The following PLA2G2A variants were observed in gnomAD, a reference collection of about 807,000 sequenced individuals.
PLA2G2A encodes phospholipase A2 group IIA.
Under a neutral mutation model 11.2 loss-of-function variants are expected in PLA2G2A, and 6 were observed. The observed-to-expected ratio is 0.54, with a 90% CI of 0.29 to 1.06. The LOEUF is 1.06. PLA2G2A is among the 50% of genes least tolerant of loss of function. The pLI is 0.08. For synonymous variants in PLA2G2A, 69 were observed against 65.8 expected, an observed-to-expected ratio of 1.05 and a Z score of -0.23; for missense variants, 133 against 177.1, an observed-to-expected ratio of 0.75 and a Z score of 1.41.
chr1:19,976,010 C>G (rs11573174), intron 4 of PLA2G2A, among the ~76,000 whole-genome samples, 167 bp from the exon 5 acceptor site: 1 of 152,166 alleles, frequency 6.6e-6, no homozygotes, highest in African/African-American at 2.4e-5. Context: ...AGAATTCTTG[C>G]CCTTGGGATG....
At chr1:19,979,072 A>AC in intron 1 of PLA2G2A, 193 bp from the exon 2 acceptor site, 2 of 493,884 alleles carry the variant, frequency 4.0e-6, no homozygotes, top group South Asian at 4.2e-5. Flanking sequence ...CCTGTGGAGA[A>AC]CCCCATGATA....
chr1:19,978,168 G>C (rs764069579), intron 3 of PLA2G2A, 47 bp from the exon 4 acceptor site: 5 of 1,444,496 alleles, frequency 3.5e-6, no homozygotes, highest in Non-Finnish European at 2.9e-6. Flanking sequence ...AGCTCCAGGA[G>C]GCCTGGTGCC....
intron 2 of PLA2G2A, 54 bp downstream of exon 2, chr1:19,978,680 T>G: frequency 6.2e-7 from 1 of 1,601,212 alleles, no homozygotes; most frequent in Non-Finnish European, 8.6e-7. Flanking sequence ...GGGACAAGAG[T>G]GCTTCCCTTC....
At chr1:19,975,699 AC>A in exon 5 of PLA2G2A, 1 of 1,613,244 alleles carries the variant, frequency 6.2e-7, no homozygotes, top group Non-Finnish European at 8.5e-7. Context: ...GGAAGAGGGG[AC>A]TCAGCAACGA....
At chr1:19,978,797 T>C (rs113722293) in exon 2 of PLA2G2A, 12 of 1,613,588 alleles carry the variant, frequency 7.4e-6, no homozygotes, top group Middle Eastern at 1.7e-4. Context: ...GGGTGACAAA[T>C]GCAGATGGAC....
intron 2 of PLA2G2A, 85 bp downstream of exon 2, chr1:19,978,649 T>C: frequency 6.3e-7 from 1 of 1,595,352 alleles, no homozygotes; most frequent in Non-Finnish European, 8.6e-7. Flanking sequence ...AGAGGATCAC[T>C]GCAATGGGAG....
intron 4 of PLA2G2A, among the ~76,000 whole-genome samples, chr1:19,976,860 CCT>C (rs2046226806): frequency 6.6e-6 from 1 of 152,216 alleles, no homozygotes; most frequent in Admixed American, 6.5e-5. Flanking sequence ...AACAGCTTCC[CCT>C]GAGTCCCTCA....
In PLA2G2A at chr1:19,978,508, A is replaced by ATGGGCCTGCAG; in HGVS notation, c.46_56dup (p.Gly20CysfsTer8). ...TTCTGTGGAAATTCACCAAATTCCC[A>ATGGGCCTGCAG]TGGGCCTGCAGTAGGCCTGGAAGGA... On this transcript the variant is annotated frameshift_variant, in exon 3 of 5. Coordinates refer to ENST00000482011, the Ensembl canonical transcript of PLA2G2A. LOFTEE classifies it high-confidence loss of function. 6.2e-7 allele frequency: 1 copy of ATGGGCCTGCAG among 1,613,752 alleles called. No individual in the cohort carries two copies. Among genetic ancestry groups the ATGGGCCTGCAG allele is most frequent in the Admixed American group, 1.7e-5 (1 of 60,026 alleles).
chr1:19,975,512 G>T, downstream of PLA2G2A: 1 of 634,096 alleles, frequency 1.6e-6, no homozygotes, highest in Non-Finnish European at 2.8e-6. Context: ...TGAGGTGGAG[G>T]AGAGCAGTAG....
chr1:19,979,428 A>ACT (rs375886168), intron 1 of PLA2G2A, among the ~76,000 whole-genome samples, 152 bp downstream of exon 1: 1 of 152,222 alleles, frequency 6.6e-6, no homozygotes, highest in African/African-American at 2.4e-5. Flanking sequence ...CTCTTACACT[A>ACT]CACTCACATA....
At chr1:19,976,769 T>C (rs1163839588) in intron 4 of PLA2G2A, among the ~76,000 whole-genome samples, 1 of 152,070 alleles carries the variant, frequency 6.6e-6, no homozygotes, top group Non-Finnish European at 1.5e-5. Flanking sequence ...TCCAGAATGT[T>C]GTCTTTGCCT....
intron 4 of PLA2G2A, among the ~76,000 whole-genome samples, chr1:19,976,404 C>T (rs540092395): frequency 1.1e-4 from 16 of 152,296 alleles, no homozygotes; most frequent in Non-Finnish European, 1.6e-4. Flanking sequence ...ACACTGGCCA[C>T]GTGGCATAGC....
chr1:19,978,986 CA>C, intron 1 of PLA2G2A, 107 bp from the exon 2 acceptor site: 1 of 625,958 alleles, frequency 1.6e-6, no homozygotes. Context: ...CACACACACA[CA>C]CACACACACA....
chr1:19,978,223 T>C, intron 3 of PLA2G2A, 102 bp from the exon 4 acceptor site: 3 of 1,333,580 alleles, frequency 2.2e-6, no homozygotes, highest in South Asian at 1.2e-5. Flanking sequence ...CCAGTGACTT[T>C]GCAACAGTCT....
chr1:19,978,505 C>T lies in PLA2G2A; in HGVS notation c.60G>A (p.Gly20=), dbSNP rs778125360. The T allele has an allele frequency of 3.7e-6, 6 of 1,613,786 alleles. No homozygotes were observed. The South Asian group carries it at 4.4e-5, about 12-fold the overall frequency. The change falls in exon 3 of 5, where the codon GGG becomes GGA. Residue 20 remains glycine (G), a synonymous_variant. Transcript: ENST00000482011. ...TCATTCTGTGGAAATTCACCAAATT[C>T]CCATGGGCCTGCAGTAGGCCTGGAA... is the stretch of plus-strand genomic sequence containing the variant.
rs758526072 is a variant in PLA2G2A at position 19,978,076 on chromosome 1, AC to A, written c.230del (p.Arg77LeufsTer8). 11 of 1,614,108 alleles carry A rather than the reference AC, an allele frequency of 6.8e-6. No homozygotes were observed. ...AGCTCAGAAATTTGGTGCCACATCC[AC>A]GTTTCTCCAGACGTTTGTAGCAACA... On this transcript the variant is annotated frameshift_variant, in exon 4 of 5. Transcript: ENST00000482011. LOFTEE classifies it high-confidence loss of function.
At chr1:19,980,059 T>A (rs954580292), upstream of PLA2G2A, among the ~76,000 whole-genome samples, 3 of 152,286 alleles carry the variant, frequency 2.0e-5, no homozygotes, top group Admixed American at 2.0e-4. Flanking sequence ...GGGCTTTTAG[T>A]GGTACTCATT....
At chr1:19,977,964 A>G (rs915681711) in intron 4 of PLA2G2A, 51 bp downstream of exon 4, 3 of 1,059,904 alleles carry the variant, frequency 2.8e-6, no homozygotes, top group Non-Finnish European at 4.5e-6. Flanking sequence ...CACAGTCCCC[A>G]GCACTGTCTA....
exon 3 of PLA2G2A, chr1:19,978,385 C>T (rs548745305): frequency 1.4e-5 from 23 of 1,612,310 alleles, no homozygotes; most frequent in Non-Finnish European, 1.9e-5. Context: ...CTCACCGATC[C>T]GTTGCATCCT....
Sources: allele counts gnomAD v4.1 joint callset (sites outside exome capture counted in the v4.1 genomes callset), GRCh38; gene constraint gnomAD v4.1.1; transcripts MANE v1.5; gene names NCBI Gene and HGNC (gene_info 2026-07-23, HGNC 2026-07-21).